CACNA1A: variants seen among roughly 807,000 people sequenced by gnomAD.
The protein encoded by CACNA1A is voltage-dependent P/Q-type calcium channel subunit alpha-1A.
Under a neutral mutation model 262.4 loss-of-function variants are expected in CACNA1A, and 57 were observed. The observed-to-expected ratio is 0.22, with a 90% CI of 0.18 to 0.27. The LOEUF (loss-of-function observed/expected upper bound fraction) is 0.27, where lower values mean the gene tolerates loss of function less well. Among genes scored for constraint, CACNA1A ranks in the 10% least tolerant of loss-of-function variants. CACNA1A has a pLI of 1.00. For missense variants in CACNA1A, 2,526 were observed against 3,562.8 expected, an observed-to-expected ratio of 0.71 and a Z score of 7.41; for synonymous variants, 1,431 against 1,419.3, an observed-to-expected ratio of 1.01 and a Z score of -0.18.
At chr19:13,438,796 G>A (rs2060658733) in intron 3 of CACNA1A, among the ~76,000 whole-genome samples, 1 of 152,180 alleles carries the variant, frequency 6.6e-6, no homozygotes, top group East Asian at 1.9e-4. Flanking sequence ...CTGATGCAAA[G>A]GAGCATACAG....
At position 13,369,071 on chromosome 19, in the gene CACNA1A, G is replaced by A. The variant is rs140455366; in HGVS notation, c.631+2617C>T. Among the ~76,000 whole-genome samples the A allele has an allele frequency of 3.1e-3, 464 of 151,674 alleles. 18 individuals carry two copies. Among genetic ancestry groups the A allele is most frequent in the African/African-American group, 0.011 (434 of 41,252 alleles). On this transcript the variant is annotated intron_variant, in intron 4 of 46. Coordinates refer to ENST00000360228, the MANE Select transcript of CACNA1A (RefSeq NM_001127222.2). ...AAAAAAAAAAAAAAAATGTAATGTG[G>A]GTGCTAACAGATGCAGTGTGGTGCA...
intron 3 of CACNA1A, among the ~76,000 whole-genome samples, chr19:13,409,727 A>G (rs1453646743): frequency 1.3e-5 from 2 of 152,056 alleles, no homozygotes; most frequent in African/African-American, 4.8e-5. Context: ...TATTTTGTGT[A>G]GAGACAGTGT....
intron 1 of CACNA1A, among the ~76,000 whole-genome samples, chr19:13,474,931 T>C (rs956628943): frequency 1.3e-5 from 2 of 152,224 alleles, no homozygotes; most frequent in East Asian, 3.9e-4. Context: ...TGAGAATGAC[T>C]AAATCAATGC....
chr19:13,386,070 G>A (rs1437948360), intron 3 of CACNA1A, among the ~76,000 whole-genome samples: 1 of 151,770 alleles, frequency 6.6e-6, no homozygotes, highest in African/African-American at 2.4e-5. Context: ...CGGATCACCT[G>A]AGCCTGGCAG....
chr19:13,423,148 G>A (rs1442799447), intron 3 of CACNA1A, among the ~76,000 whole-genome samples: 5 of 152,286 alleles, frequency 3.3e-5, no homozygotes, highest in Middle Eastern at 3.4e-3. Context: ...TTCCCTCTCT[G>A]ACGAACTTTC....
At chr19:13,240,626 G>A (rs2056047441) in intron 31 of CACNA1A, among the ~76,000 whole-genome samples, 1 of 151,610 alleles carries the variant, frequency 6.6e-6, no homozygotes, top group East Asian at 1.9e-4. Context: ...TGTGTGCAGT[G>A]TGTGTGCAGT....
chr19:13,447,399 C>A (rs951727043), intron 3 of CACNA1A, among the ~76,000 whole-genome samples: 1 of 152,198 alleles, frequency 6.6e-6, no homozygotes, highest in African/African-American at 2.4e-5. Context: ...GATACAAACA[C>A]AAGTGACAAA....
rs143227631 is a variant in CACNA1A, at chr19:13,408,175, C to A, written c.540-36396G>T. 4.2e-3 allele frequency among the ~76,000 whole-genome samples: 635 copies of A among 152,270 alleles called. 7 individuals carry two copies. The highest frequency in any genetic ancestry group is 0.013 in the African/African-American group (558 of 41,560). On this transcript the variant is annotated intron_variant, in intron 3 of 46. Transcript: ENST00000360228. Reference sequence around the variant, plus strand: ...AGCAATGTGAGAACAAACGAATACACTGGGCAACATGGCAAAACCCCGTCT... The same window carrying A: ...AGCAATGTGAGAACAAACGAATACAATGGGCAACATGGCAAAACCCCGTCT...
At chr19:13,259,815 T>G (rs2056681656) in intron 26 of CACNA1A, 114 bp from the exon 27 acceptor site, 2 of 1,172,882 alleles carry the variant, frequency 1.7e-6, no homozygotes, top group Non-Finnish European at 1.2e-6. Context: ...CAGCCTAGAC[T>G]GCTTGGGAAG....
intron 21 of CACNA1A, 34 bp from the exon 22 acceptor site, chr19:13,283,430 T>G: frequency 1.2e-6 from 2 of 1,613,214 alleles, no homozygotes; most frequent in Non-Finnish European, 1.7e-6. Flanking sequence ...AGAGGTCCAC[T>G]CAGACCACAG....
At chr19:13,261,417 C>T (rs755958088) in intron 26 of CACNA1A, 33 bp downstream of exon 26, 4 of 1,538,346 alleles carry the variant, frequency 2.6e-6, no homozygotes, top group Non-Finnish European at 2.6e-6. Context: ...CCTGCTGGTT[C>T]CAATGGGAAT....
At chr19:13,379,552 C>T (rs749911786) in intron 3 of CACNA1A, among the ~76,000 whole-genome samples, 8 of 151,972 alleles carry the variant, frequency 5.3e-5, no homozygotes, top group Non-Finnish European at 1.0e-4. Context: ...ATGGGGCTGG[C>T]GGGATGAAGG....
intron 3 of CACNA1A, among the ~76,000 whole-genome samples, chr19:13,387,074 C>G (rs2144632863): frequency 6.6e-6 from 1 of 152,088 alleles, no homozygotes; most frequent in South Asian, 2.1e-4. Flanking sequence ...GCCTCAGCCT[C>G]CCGAGTAGCT....
intron 1 of CACNA1A, among the ~76,000 whole-genome samples, chr19:13,496,653 G>A (rs753827614): frequency 6.6e-5 from 10 of 152,226 alleles, no homozygotes; most frequent in East Asian, 1.9e-4. Flanking sequence ...CAACACAGAC[G>A]CCAAAAATAA....
At chr19:13,295,485 TTC>T (rs1171981842) in intron 19 of CACNA1A, among the ~76,000 whole-genome samples, 5 of 147,406 alleles carry the variant, frequency 3.4e-5, no homozygotes, top group Non-Finnish European at 7.5e-5. Flanking sequence ...GGTTTTTTCT[TTC>T]TTTCTTTCTT....
chr19:13,445,282 C>CTAT (rs987935917), intron 3 of CACNA1A, among the ~76,000 whole-genome samples: 1 of 152,184 alleles, frequency 6.6e-6, no homozygotes, highest in African/African-American at 2.4e-5. Flanking sequence ...ATAGACCCTT[C>CTAT]TAAAAAGGAA....
chr19:13,480,827 A>G (rs974862866), intron 1 of CACNA1A, among the ~76,000 whole-genome samples: 2 of 152,216 alleles, frequency 1.3e-5, no homozygotes, highest in Non-Finnish European at 2.9e-5. Flanking sequence ...TATAAATAAC[A>G]TGCTGAGTTC....
chr19:13,388,751 G>A (rs1289527263), intron 3 of CACNA1A, among the ~76,000 whole-genome samples: 1 of 151,956 alleles, frequency 6.6e-6, no homozygotes, highest in Non-Finnish European at 1.5e-5. Context: ...AGAGACAACT[G>A]AGAGAATGTT....
intron 23 of CACNA1A, among the ~76,000 whole-genome samples, chr19:13,276,207 T>C (rs1313728292): frequency 6.6e-6 from 1 of 152,204 alleles, no homozygotes; most frequent in Non-Finnish European, 1.5e-5. Context: ...GGATCCTCTT[T>C]GATGCCTCTT....
Sources: allele counts gnomAD v4.1 joint callset (sites outside exome capture counted in the v4.1 genomes callset), GRCh38; gene constraint gnomAD v4.1.1; transcripts MANE v1.5; gene names NCBI Gene and HGNC (gene_info 2026-07-23, HGNC 2026-07-21).